Variants in MED23 observed in about 807,000 individuals in gnomAD.
MED23 encodes mediator of RNA polymerase II transcription subunit 23.
A neutral mutation model predicts 163.9 loss-of-function variants in MED23; 105 were observed. The ratio of observed to expected loss-of-function variants is 0.64; its 90% CI spans 0.55 to 0.75. MED23 has a LOEUF of 0.75. Among genes scored for constraint, MED23 ranks in the 30% least tolerant of loss-of-function variants. MED23 has a pLI of 0.00. For synonymous variants in MED23, 561 were observed against 565.6 expected, an observed-to-expected ratio of 0.99 and a Z score of 0.12; for missense variants, 1,054 against 1,649.0, an observed-to-expected ratio of 0.64 and a Z score of 6.25.
rs981694966 is a variant in MED23, at chr6:131,593,024, A to G, written c.3380T>C (p.Leu1127Pro). Residue 1127 changes from leucine to proline, a missense_variant, in exon 24 of 29, where the codon CTA becomes CCA. Physicochemically the swap from Leu to Pro is moderately conservative, Grantham distance 98. This residue lies in a region of MED23 where 362 missense variants were observed against 471.6 expected (regional missense o/e 0.77). Coordinates refer to ENST00000368068, the MANE Select transcript of MED23 (RefSeq NM_004830.4). ...TACATACCTTTTTAGGACAACATTT[A>G]GAAGGGCATTCCCAACTTCTTTGCC... The part of the protein sequence containing the change: ...VSGKEVGNAL[L>P]NVVLKSQPLV... 6.2e-7 allele frequency: 1 copy of G among 1,614,096 alleles called. No homozygotes were observed. Among genetic ancestry groups the G allele is most frequent in the African/African-American group, 1.3e-5 (1 of 74,950 alleles).
chr6:131,627,515 T>G (rs1315124091), intron 2 of MED23, 32 bp from the exon 3 acceptor site: 1 of 1,602,682 alleles, frequency 6.2e-7, no homozygotes, highest in East Asian at 2.2e-5. Flanking sequence ...TATTTGTCAT[T>G]CGTTTTAAAA....
intron 10 of MED23, 27 bp from the exon 11 acceptor site, chr6:131,610,273 T>A: frequency 3.7e-6 from 6 of 1,609,260 alleles, no homozygotes; most frequent in Non-Finnish European, 5.1e-6. Context: ...AAATACAGTA[T>A]TCCAAAAGCC....
downstream of MED23, chr6:131,583,766 T>C (rs1395352972): frequency 1.9e-6 from 3 of 1,613,920 alleles, no homozygotes; most frequent in African/African-American, 2.7e-5. Context: ...TTAGATATAA[T>C]GGAAGTGAAC....
intron 24 of MED23, 70 bp from the exon 25 acceptor site, chr6:131,592,530 AT>A: frequency 1.5e-6 from 2 of 1,306,430 alleles, no homozygotes; most frequent in Non-Finnish European, 1.1e-6. Flanking sequence ...AACGGATCTT[AT>A]TTTTAAAGAA....
intron 3 of MED23, 72 bp from the exon 4 acceptor site, chr6:131,625,061 C>G: frequency 6.2e-6 from 9 of 1,440,868 alleles, no homozygotes; most frequent in African/African-American, 1.4e-5. Flanking sequence ...AATACTACAA[C>G]TGGAAGTATA....
At chr6:131,596,361 A>G in intron 21 of MED23, 157 bp downstream of exon 21, 2 of 936,956 alleles carry the variant, frequency 2.1e-6, no homozygotes, top group East Asian at 2.6e-5. Flanking sequence ...AACATTATAG[A>G]AACTCTCAAA....
chr6:131,616,874 A>T (rs1202115659), intron 9 of MED23, among the ~76,000 whole-genome samples: 1 of 152,050 alleles, frequency 6.6e-6, no homozygotes, highest in East Asian at 1.9e-4. Context: ...TTAAAAACAA[A>T]ATCTTTTTCA....
downstream of MED23, among the ~76,000 whole-genome samples, chr6:131,582,372 C>T (rs1773970306): frequency 6.6e-6 from 1 of 152,038 alleles, no homozygotes; most frequent in South Asian, 2.1e-4. Flanking sequence ...TATAGAGGAG[C>T]CCTGGGAAAG....
intron 30 of MED23, chr6:131,581,485 T>A: frequency 7.6e-7 from 1 of 1,313,508 alleles, no homozygotes; most frequent in Non-Finnish European, 1.1e-6. Flanking sequence ...TGGTGTAATC[T>A]CAAATCATTT....
At chr6:131,622,060 T>G in intron 5 of MED23, 81 bp from the exon 6 acceptor site, 1 of 983,816 alleles carries the variant, frequency 1.0e-6, no homozygotes, top group Non-Finnish European at 1.6e-6. Flanking sequence ...TTCAGGGTGA[T>G]ATATTCCTTC....
intron 10 of MED23, 90 bp from the exon 11 acceptor site, chr6:131,610,336 G>T: frequency 8.0e-7 from 1 of 1,253,420 alleles, no homozygotes; most frequent in Non-Finnish European, 1.1e-6. Flanking sequence ...GTAACAAGAG[G>T]CTGAGAAGCA....
chr6:131,608,364 C>T (rs989025173), intron 11 of MED23, among the ~76,000 whole-genome samples: 4 of 152,112 alleles, frequency 2.6e-5, no homozygotes, highest in Non-Finnish European at 4.4e-5. Flanking sequence ...ACATGCACAA[C>T]ACCACCTCTT....
Position 131,591,654 on chromosome 6 carries a change from G to A in MED23, c.3472-127C>T, listed in dbSNP as rs922335142. ...TTTCCAGCTTCTGCACAATACAGCT[G>A]GGTGGCTTTGTAACTGGTCAAATTA... On this transcript the variant is annotated intron_variant, in intron 25 of 28. Transcript: ENST00000368068. 1.2e-5 allele frequency: 9 copies of A among 757,328 alleles called. No homozygotes were observed. The East Asian group carries it at 2.4e-4, about 20-fold the overall frequency. 46.9% of individuals were successfully genotyped at this position (757,328 alleles called of 1,614,324 possible). A position where few individuals can be genotyped will look rare whatever the true frequency, so the allele number is the denominator to read the frequency against.
chr6:131,598,320 G>A lies in MED23; in HGVS notation c.2574C>T (p.Asn858=). 1 of 1,613,978 alleles carries A rather than the reference G, an allele frequency of 6.2e-7. No individual in the cohort carries two copies. The highest frequency in any genetic ancestry group is 8.5e-7 in the Non-Finnish European group (1 of 1,179,906). Residue 858 remains asparagine (N), a synonymous_variant, in exon 20 of 29, where the codon AAC becomes AAT. Coordinates refer to ENST00000368068, the MANE Select transcript of MED23 (RefSeq NM_004830.4). The surrounding 1 kb of genome is among the most constrained non-coding windows in gnomAD (Gnocchi z 4.7). ...GAATTAATCTGTCCAGTGTAACAAT[G>A]TTATACTTCCATACCATGTCATTAA... ...EILNDMVWKY[N]IVTLDRLILC... is the part of the protein sequence containing the mutation.
intron 20 of MED23, among the ~76,000 whole-genome samples, chr6:131,597,478 AAAAAAAAAAAAAAAAAAAAG>A (rs1459048909): frequency 1.3e-3 from 131 of 104,026 alleles, no homozygotes; most frequent in Non-Finnish European, 2.3e-3. Context: ...TCCATATCAA[AAAAAAAAAAAAAAAAAAAAG>A]AAAAAAAAAA....
chr6:131,615,368 A>C, intron 10 of MED23: 1 of 1,608,820 alleles, frequency 6.2e-7, no homozygotes, highest in Non-Finnish European at 8.5e-7. Flanking sequence ...TGGGCAGGAC[A>C]AGACAGGACA....
At chr6:131,576,687 C>T in intron 30 of MED23, 1 of 1,613,858 alleles carries the variant, frequency 6.2e-7, no homozygotes, top group Non-Finnish European at 8.5e-7. Flanking sequence ...GGAAGAAGGC[C>T]CTACAGTATT....
At chr6:131,603,328 T>C (rs1244146374) in intron 15 of MED23, 124 bp from the exon 16 acceptor site, 2 of 880,474 alleles carry the variant, frequency 2.3e-6, no homozygotes, top group Non-Finnish European at 3.7e-6. Flanking sequence ...CCCACACACA[T>C]ATATATTCTC....
rs554794418 is a variant in MED23, at chr6:131,604,033, G to A, written c.1756+145C>T. The A allele has an allele frequency of 1.3e-5, 10 of 794,772 alleles. No individual in the cohort carries two copies. The Admixed American group carries it at 1.8e-4, about 15-fold the overall frequency. 49.2% of individuals were successfully genotyped at this position (794,772 alleles called of 1,614,324 possible). On this transcript the variant is annotated intron_variant, in intron 15 of 28. Transcript: ENST00000368068. The stretch of plus-strand genomic sequence containing the variant: ...TATAACATGTATCATCTGACATATT[G>A]TATATTTCATTTATTTAATGTCCTC...
Sources: allele counts gnomAD v4.1 joint callset (sites outside exome capture counted in the v4.1 genomes callset), GRCh38; gene constraint gnomAD v4.1.1; regional missense constraint gnomAD v4.1.1; non-coding constraint Gnocchi (gnomAD v3.1); transcripts MANE v1.5; gene names NCBI Gene and HGNC (gene_info 2026-07-23, HGNC 2026-07-21).